Variants in GRM7 observed in about 807,000 individuals in gnomAD.
GRM7 encodes glutamate metabotropic receptor 7.
Under a neutral mutation model 84.5 loss-of-function variants are expected in GRM7, and 35 were observed. The observed-to-expected ratio is 0.41, with a 90% CI of 0.32 to 0.55. GRM7 has a LOEUF of 0.55. GRM7 is among the 20% of genes least tolerant of loss of function. GRM7 has a pLI of 0.19. For synonymous variants in GRM7, 487 were observed against 455.1 expected (o/e 1.07, Z -0.89); for missense variants, 1,003 against 1,194.6 (o/e 0.84, Z 2.36).
intron 1 of GRM7, among the ~76,000 whole-genome samples, chr3:6,972,487 T>C (rs1575084154): frequency 6.6e-6 from 1 of 152,210 alleles, no homozygotes; most frequent in African/African-American, 2.4e-5. Flanking sequence ...TTTTACTTTC[T>C]TTTCATCCAG....
At chr3:7,370,057 G>A (rs1405614063) in intron 4 of GRM7, among the ~76,000 whole-genome samples, 2 of 152,010 alleles carry the variant, frequency 1.3e-5, no homozygotes, top group African/African-American at 4.8e-5. Context: ...CCAGGCCATT[G>A]GGTAACTTCA....
chr3:7,696,608 C>T (rs1701030458), intron 9 of GRM7, among the ~76,000 whole-genome samples: 2 of 152,184 alleles, frequency 1.3e-5, no homozygotes, highest in Non-Finnish European at 2.9e-5. Context: ...GCACTTTTCA[C>T]TTGGATTGGC....
chr3:7,118,146 G>C (rs1396582504), intron 1 of GRM7, among the ~76,000 whole-genome samples: 1 of 152,142 alleles, frequency 6.6e-6, no homozygotes, highest in Non-Finnish European at 1.5e-5. Flanking sequence ...AGTACTTTGG[G>C]AGGGCAAGGT....
At chr3:7,183,161 C>T (rs928285176) in intron 2 of GRM7, among the ~76,000 whole-genome samples, 2 of 152,026 alleles carry the variant, frequency 1.3e-5, no homozygotes, top group South Asian at 2.1e-4. Context: ...CAAAGTTTCA[C>T]GTATATATCA....
rs183926289 is a variant in GRM7 at position 7,689,550 on chromosome 3, G to A, written c.2698+9255G>A. 1.8e-3 allele frequency among the ~76,000 whole-genome samples: 268 copies of A among 152,146 alleles called. 4 individuals carry two copies. The highest frequency in any genetic ancestry group is 1.3e-3 in the Non-Finnish European group (89 of 68,012). On this transcript the variant is annotated intron_variant, in intron 9 of 9. Coordinates refer to ENST00000357716, the MANE Select transcript of GRM7 (RefSeq NM_000844.4). ...TCTGTGAGACACCATCATTTCTCTCGCCAAGGCTTGATATCTCAGCATATC... is the reference window on the plus strand; with the variant it reads ...TCTGTGAGACACCATCATTTCTCTCACCAAGGCTTGATATCTCAGCATATC...
chr3:7,551,243 C>T (rs1693456671), intron 7 of GRM7, among the ~76,000 whole-genome samples: 1 of 152,116 alleles, frequency 6.6e-6, no homozygotes, highest in East Asian at 1.9e-4. Context: ...ATAATGCCCA[C>T]ATTAAAAATT....
intron 1 of GRM7, among the ~76,000 whole-genome samples, chr3:7,116,544 G>A (rs12489343): frequency 0.22 from 33,986 of 151,972 alleles, 3,998 homozygotes; most frequent in Non-Finnish European, 0.26. Flanking sequence ...TATTTAAAAA[G>A]TGTACTGTTA....
At chr3:7,529,050 TAAG>T (rs1700923812) in intron 7 of GRM7, among the ~76,000 whole-genome samples, 1 of 152,056 alleles carries the variant, frequency 6.6e-6, no homozygotes, top group South Asian at 2.1e-4. Context: ...GTGTCAAACT[TAAG>T]AACTTTTTTG....
intron 8 of GRM7, among the ~76,000 whole-genome samples, chr3:7,649,736 C>T (rs1475488568): frequency 6.6e-6 from 1 of 152,022 alleles, no homozygotes; most frequent in African/African-American, 2.4e-5. Flanking sequence ...CAACTATTTA[C>T]CATCCTCCTC....
chr3:7,273,986 T>G (rs1424449986), intron 2 of GRM7, among the ~76,000 whole-genome samples: 1 of 152,012 alleles, frequency 6.6e-6, no homozygotes, highest in Non-Finnish European at 1.5e-5. Context: ...ATGGAACATT[T>G]TATATGATTC....
chr3:7,389,361 A>G (rs1388598861), intron 4 of GRM7, among the ~76,000 whole-genome samples: 3 of 152,112 alleles, frequency 2.0e-5, no homozygotes, highest in East Asian at 3.8e-4. Context: ...GTTGGGTGGA[A>G]TATTCTGTAG....
intron 9 of GRM7, among the ~76,000 whole-genome samples, chr3:7,738,710 G>A (rs1397929436): frequency 6.7e-6 from 1 of 150,168 alleles, no homozygotes; most frequent in East Asian, 1.9e-4. Context: ...GTCAGTACAA[G>A]CTTCTGGGTT....
chr3:7,309,856 A>G (rs1700330805), intron 4 of GRM7, among the ~76,000 whole-genome samples: 1 of 152,080 alleles, frequency 6.6e-6, no homozygotes, highest in Non-Finnish European at 1.5e-5. Context: ...CCCAGTGTTT[A>G]TGGGAAATCT....
intron 2 of GRM7, among the ~76,000 whole-genome samples, chr3:7,280,032 AG>A (rs1378259488): frequency 1.3e-5 from 2 of 152,322 alleles, no homozygotes; most frequent in African/African-American, 4.8e-5. Flanking sequence ...TGTTATTTCC[AG>A]TGTCTGGATA....
intron 1 of GRM7, among the ~76,000 whole-genome samples, chr3:6,880,841 A>T (rs1434087958): frequency 6.6e-6 from 1 of 152,210 alleles, no homozygotes; most frequent in Admixed American, 6.5e-5. Context: ...TTTGCAAAAA[A>T]AGGTAGCGAT....
intron 8 of GRM7, among the ~76,000 whole-genome samples, chr3:7,619,522 T>A (rs1412791411): frequency 6.6e-6 from 1 of 151,984 alleles, no homozygotes; most frequent in East Asian, 1.9e-4. Flanking sequence ...ATGTTAACAG[T>A]TGATTTTTCG....
intron 1 of GRM7, among the ~76,000 whole-genome samples, chr3:7,132,882 G>T (rs1693651052): frequency 6.6e-6 from 1 of 152,090 alleles, no homozygotes; most frequent in Non-Finnish European, 1.5e-5. Flanking sequence ...TTGCCATACA[G>T]CATACCATGT....
chr3:7,225,166 T>C (rs1050324939), intron 2 of GRM7, among the ~76,000 whole-genome samples: 3 of 151,972 alleles, frequency 2.0e-5, no homozygotes, highest in Non-Finnish European at 4.4e-5. Context: ...TAAAAATTCA[T>C]ATCTATTCCT....
intron 1 of GRM7, among the ~76,000 whole-genome samples, chr3:6,890,523 T>C (rs1468062495): frequency 6.6e-6 from 1 of 152,240 alleles, no homozygotes; most frequent in East Asian, 1.9e-4. Context: ...TTGTTCAGTT[T>C]GCATGTAGTT....
Sources: allele counts gnomAD v4.1 joint callset (sites outside exome capture counted in the v4.1 genomes callset), GRCh38; gene constraint gnomAD v4.1.1; transcripts MANE v1.5; gene names NCBI Gene and HGNC (gene_info 2026-07-23, HGNC 2026-07-21).